Variants in TP53I13 observed in about 807,000 individuals in gnomAD.
TP53I13 encodes the protein tumor protein p53 inducible protein 13, also known as tumor protein p53-inducible protein 13.
In TP53I13, 27 loss-of-function variants were observed where a neutral mutation model predicts 39.1. The observed-to-expected ratio is 0.69, with a 90% CI of 0.51 to 0.95. TP53I13 has a LOEUF of 0.95. Among genes scored for constraint, TP53I13 ranks in the 40% least tolerant of loss-of-function variants. TP53I13 has a pLI of 0.00. For synonymous variants in TP53I13, 230 were observed against 224.6 expected (o/e 1.02, Z -0.22); for missense variants, 544 against 520.4 (o/e 1.05, Z -0.44).
downstream of TP53I13, chr17:29,573,410 C>G (rs1421612113): frequency 6.5e-6 from 1 of 154,290 alleles, no homozygotes; most frequent in South Asian, 2.1e-4. Flanking sequence ...TCCTGGGGCA[C>G]TTGCAGTCAC....
rs1421494508 is a variant in TP53I13, at chr17:29,572,596, T to C, written c.968T>C (p.Leu323Pro). The change falls in exon 6 of 7, where the codon CTG (leucine) becomes CCG (proline). Residue 323 changes from leucine to proline, a missense_variant. Physicochemically the swap from Leu to Pro is moderately conservative, Grantham distance 98 (BLOSUM62 -3). Coordinates refer to ENST00000301057, the MANE Select transcript of TP53I13 (RefSeq NM_138349.4). ...ATGGCCCTGACCTTCCTGCTGGTGCTGCTCACCCTGGCCACGCTCTGCACA... is the reference window on the plus strand; with the variant it reads ...ATGGCCCTGACCTTCCTGCTGGTGCCGCTCACCCTGGCCACGCTCTGCACA... ...AAMALTFLLVLLTLATLCTRL... is the reference protein window; with the variant it reads ...AAMALTFLLVPLTLATLCTRL... 1 of 1,592,394 alleles carries C rather than the reference T, an allele frequency of 6.3e-7. No homozygotes were observed. Among genetic ancestry groups the C allele is most frequent in the Middle Eastern group, 1.7e-4 (1 of 6,032 alleles).
chr17:29,581,121 G>A, the TP53I13 span: 1 of 590,230 alleles, frequency 1.7e-6, no homozygotes, highest in Admixed American at 2.9e-5. The surrounding 1 kb of genome is among the most constrained non-coding windows in gnomAD (Gnocchi z 4.8). Flanking sequence ...GTACTTGACA[G>A]TCACGGGGCT....
At chr17:29,578,226 C>G in the TP53I13 span, 1 of 1,235,436 alleles carries the variant, frequency 8.1e-7, no homozygotes, top group South Asian at 1.2e-5. Flanking sequence ...CTTCTTAGCC[C>G]AGTAAAGGAC....
chr17:29,575,070 C>T, downstream of TP53I13: 1 of 1,586,184 alleles, frequency 6.3e-7, no homozygotes, highest in Non-Finnish European at 8.6e-7. This position sits in a 1 kb window ranked among gnomAD's most constrained non-coding sequence, Gnocchi z 5.5. Context: ...CTCTCTTTGG[C>T]CCCTGTACCT....
At chr17:29,578,429 C>T in the TP53I13 span, 1 of 1,478,670 alleles carries the variant, frequency 6.8e-7, no homozygotes, top group South Asian at 1.1e-5. Flanking sequence ...GTGCCAAGGC[C>T]AGCTCCCCAG....
chr17:29,566,624 GCAGGACGAAGT>G, upstream of TP53I13: 3 of 1,608,054 alleles, frequency 1.9e-6, no homozygotes, highest in Non-Finnish European at 2.5e-6. Context: ...GGCGCTACGG[GCAGGACGAAGT>G]GGCAGAGGGT....
At chr17:29,566,922 G>A, upstream of TP53I13, 4 of 1,482,952 alleles carry the variant, frequency 2.7e-6, no homozygotes, top group Non-Finnish European at 3.6e-6. Context: ...CGAGAAGGGC[G>A]AGCACGGCCA....
At position 29,571,904 on chromosome 17, in the gene TP53I13, A is replaced by G; in HGVS notation, c.360A>G (p.Val120=). The part of the protein sequence containing the change: ...AWGLALEMAW[V]EPAWAAHWLM... ...GGCTGGCGCTGGAGATGGCCTGGGT[A>G]GAGCCAGCCTGGGCTGCCCACTGGC... The change falls in exon 5 of 7, where the codon GTA becomes GTG. Residue 120 remains valine, a synonymous_variant. Coordinates refer to ENST00000301057, the MANE Select transcript of TP53I13 (RefSeq NM_138349.4). The G allele has an allele frequency of 6.2e-7, 1 of 1,613,148 alleles. No homozygotes were observed. The highest frequency in any genetic ancestry group is 8.5e-7 in the Non-Finnish European group (1 of 1,179,910).
chr17:29,579,051 G>A, the TP53I13 span: 1 of 1,481,594 alleles, frequency 6.7e-7, no homozygotes, highest in South Asian at 1.1e-5. Context: ...CCCAGGAGCA[G>A]GGCAGCACAC....
the TP53I13 span, chr17:29,578,288 C>A: frequency 6.2e-7 from 1 of 1,610,634 alleles, no homozygotes; most frequent in Non-Finnish European, 8.5e-7. Context: ...CACTCCTGCT[C>A]CCTGACTCAC....
At position 29,572,478 on chromosome 17, in the gene TP53I13, T is replaced by C. The variant is rs1023327456; in HGVS notation, c.850T>C (p.Ser284Pro). ...GQGSPGGCVC[S>P]SQASPAPRAA... ...AGGCAGCCCAGGGGGCTGTGTCTGT[T>C]CAAGTCAGGCTTCCCCGGCCCCTCG... Residue 284 changes from serine (S) to proline (P), a missense_variant, in exon 6 of 7, where the codon TCA becomes CCA. Ser to Pro is a moderately conservative substitution (Grantham distance 74). Transcript: ENST00000301057. 1.9e-6 allele frequency: 3 copies of C among 1,595,998 alleles called. No individual in the cohort carries two copies. Among genetic ancestry groups the C allele is most frequent in the African/African-American group, 2.7e-5 (2 of 74,542 alleles).
At position 29,572,881 on chromosome 17, in the gene TP53I13, C is replaced by T. The variant is rs923923920; in HGVS notation, c.1139C>T (p.Pro380Leu). Residue 380 changes from proline (P) to leucine (L), a missense_variant, in exon 7 of 7, where the codon CCG (proline) becomes CTG (leucine). Pro to Leu is a moderately conservative substitution (Grantham distance 98). Coordinates refer to ENST00000301057, the MANE Select transcript of TP53I13 (RefSeq NM_138349.4). ...CGCTCGCGCCGGAGACCCCTCCTCC[C>T]GCCCACGCCGGACAGCGGCCCGGAA... ...VKRSRRRPLL[P>L]PTPDSGPEGE... is the part of the protein sequence containing the mutation. The T allele has an allele frequency of 4.0e-6, 6 of 1,516,512 alleles. No homozygotes were observed. The East Asian group carries it at 7.7e-5, about 19-fold the overall frequency. 93.9% of individuals were successfully genotyped at this position (1,516,512 alleles called of 1,614,324 possible). A position where few individuals can be genotyped will look rare whatever the true frequency, so the allele number is the denominator to read the frequency against.
chr17:29,572,504 C>T lies in TP53I13; in HGVS notation c.876C>T (p.Arg292=), dbSNP rs1263017929. ...VCSSQASPAP[R]AAAPPRAARG... is the part of the protein sequence containing the mutation. ...CAAGTCAGGCTTCCCCGGCCCCTCG[C>T]GCAGCAGCGCCTCCACGGGCAGCCC... The change falls in exon 6 of 7, where the codon CGC becomes CGT. Residue 292 remains arginine (R), a synonymous_variant. Coordinates refer to ENST00000301057, the MANE Select transcript of TP53I13 (RefSeq NM_138349.4). 8.1e-6 allele frequency: 13 copies of T among 1,604,960 alleles called. No homozygotes were observed. The highest frequency in any genetic ancestry group is 1.1e-5 in the Non-Finnish European group (13 of 1,176,018).
At chr17:29,571,445 C>A in intron 3 of TP53I13, 146 bp from the exon 4 acceptor site, 1 of 1,073,132 alleles carries the variant, frequency 9.3e-7, no homozygotes, top group Non-Finnish European at 1.3e-6. Context: ...ATACCCAGGG[C>A]CCTTTGTCCT....
downstream of TP53I13, chr17:29,577,742 A>G: frequency 6.3e-7 from 1 of 1,591,040 alleles, no homozygotes; most frequent in Non-Finnish European, 8.6e-7. Context: ...AGCCAGCCAC[A>G]CTGTAGGGGA....
chr17:29,576,705 C>G, downstream of TP53I13: 1 of 1,612,454 alleles, frequency 6.2e-7, no homozygotes, highest in Non-Finnish European at 8.5e-7. Flanking sequence ...TGGTCAGCAC[C>G]TGGGGGCAGG....
At chr17:29,570,888 G>A (rs2032897111) in intron 3 of TP53I13, 2 of 152,396 alleles carry the variant, frequency 1.3e-5, no homozygotes, top group Admixed American at 6.5e-5. Flanking sequence ...CATCTTCCCA[G>A]TCCCAGCTGG....
At chr17:29,569,398 G>A (rs1303424245) in intron 3 of TP53I13, 39 bp downstream of exon 3, 4 of 1,606,214 alleles carry the variant, frequency 2.5e-6, no homozygotes, top group African/African-American at 2.7e-5. Flanking sequence ...TGGTGTCCAC[G>A]CCTGGAGACA....
chr17:29,571,483 A>C (rs565612488), intron 3 of TP53I13, 108 bp from the exon 4 acceptor site: 1 of 1,491,164 alleles, frequency 6.7e-7, no homozygotes, highest in South Asian at 1.3e-5. Flanking sequence ...TAGAAGAGCC[A>C]TCCAGCTATC....
Sources: allele counts gnomAD v4.1 joint callset, GRCh38; gene constraint gnomAD v4.1.1; non-coding constraint Gnocchi (gnomAD v3.1); transcripts MANE v1.5; gene names NCBI Gene and HGNC (gene_info 2026-07-23, HGNC 2026-07-21).